Variants in CENPP observed in about 807,000 individuals in gnomAD.
CENPP encodes the protein centromere protein P.
A neutral mutation model predicts 35.6 loss-of-function variants in CENPP; 24 were observed. The observed-to-expected ratio is 0.67, with a 90% CI of 0.49 to 0.95. The LOEUF (loss-of-function observed/expected upper bound fraction) is 0.95, where lower values mean the gene tolerates loss of function less well. CENPP is among the 40% of genes least tolerant of loss of function. The probability of loss-of-function intolerance (pLI) is 0.00; values close to 1 mark genes in which losing one functional copy is unlikely to be tolerated. For synonymous variants in CENPP, 120 were observed against 125.5 expected (o/e 0.96, Z 0.29); for missense variants, 332 against 345.3 (o/e 0.96, Z 0.31).
intron 5 of CENPP, among the ~76,000 whole-genome samples, chr9:92,446,146 G>T (rs1844547593): frequency 6.6e-6 from 1 of 152,142 alleles, no homozygotes; most frequent in East Asian, 1.9e-4. Flanking sequence ...ATTGTGCCTT[G>T]ACTGTAAAGC....
chr9:92,331,077 T>A (rs940565234), intron 1 of CENPP, among the ~76,000 whole-genome samples: 1 of 152,262 alleles, frequency 6.6e-6, no homozygotes, highest in African/African-American at 2.4e-5. Flanking sequence ...TTAAAGAGAT[T>A]TGCTATTTCT....
intron 5 of CENPP, among the ~76,000 whole-genome samples, chr9:92,570,264 T>C (rs563713954): frequency 4.6e-5 from 7 of 152,268 alleles, no homozygotes; most frequent in African/African-American, 1.7e-4. Context: ...CAATACCTAG[T>C]CTATTGAGAG....
rs1181641797 is a variant in CENPP at position 92,618,015 on chromosome 9, G to A, written c.*4866G>A. 2.9e-6 allele frequency: 1 copy of A among 348,442 alleles called. No homozygotes were observed. Among genetic ancestry groups the A allele is most frequent in the African/African-American group, 2.1e-5 (1 of 46,590 alleles). The allele number at this position is 348,442 out of a possible 1,614,324, so 21.6% of individuals were successfully genotyped here. A position where few individuals can be genotyped will look rare whatever the true frequency, so the allele number is the denominator to read the frequency against. Reference sequence around the variant, plus strand: ...TCTAAATTTAGTCTCAGGTCTACCAGGTATCTCAAGACGCCAAGATGACTC... The same window carrying A: ...TCTAAATTTAGTCTCAGGTCTACCAAGTATCTCAAGACGCCAAGATGACTC... On this transcript the variant is annotated 3_prime_UTR_variant, in exon 8 of 8. Coordinates refer to ENST00000375587, the MANE Select transcript of CENPP (RefSeq NM_001012267.3).
intron 5 of CENPP, among the ~76,000 whole-genome samples, chr9:92,487,046 C>T (rs747906746): frequency 6.6e-5 from 10 of 152,090 alleles, no homozygotes; most frequent in Non-Finnish European, 1.0e-4. Flanking sequence ...CCTCCCAAAG[C>T]GCTAGGATTA....
At chr9:92,491,977 G>A (rs889265369) in intron 5 of CENPP, among the ~76,000 whole-genome samples, 5 of 152,108 alleles carry the variant, frequency 3.3e-5, no homozygotes, top group African/African-American at 1.2e-4. Context: ...AATAAGCCCA[G>A]ACGTGAGTCC....
chr9:92,574,621 C>T (rs1317290385), intron 5 of CENPP, among the ~76,000 whole-genome samples: 1 of 152,178 alleles, frequency 6.6e-6, no homozygotes, highest in Non-Finnish European at 1.5e-5. Flanking sequence ...GATTGGAAGA[C>T]TCTGTGTTAA....
intron 5 of CENPP, among the ~76,000 whole-genome samples, chr9:92,606,712 T>G (rs1039556165): frequency 6.6e-6 from 1 of 152,192 alleles, no homozygotes; most frequent in Admixed American, 6.5e-5. Context: ...AAGACCATCT[T>G]GGCCAACATG....
intron 5 of CENPP, among the ~76,000 whole-genome samples, chr9:92,594,461 C>T (rs187212080): frequency 7.2e-4 from 109 of 152,270 alleles, no homozygotes; most frequent in African/African-American, 2.2e-3. Flanking sequence ...ATATCTCTGC[C>T]TCATAAAGGT....
intron 5 of CENPP, among the ~76,000 whole-genome samples, chr9:92,452,578 T>C (rs569410571): frequency 1.4e-4 from 21 of 152,334 alleles, no homozygotes; most frequent in South Asian, 8.3e-4. Context: ...GTGGTGTCTC[T>C]GCCAGGCTTT....
intron 5 of CENPP, among the ~76,000 whole-genome samples, chr9:92,532,015 G>GTTTTTTTTGTTTTTTTTTTTTTTTTTT: frequency 1.0e-5 from 1 of 95,736 alleles, no homozygotes; most frequent in Non-Finnish European, 1.9e-5. Flanking sequence ...TTTATTTAAT[G>GTTTTTTTTGTTTTTTTTTTTTTTTTTT]TTTTTTTTTT....
intron 5 of CENPP, among the ~76,000 whole-genome samples, chr9:92,505,205 T>C (rs993790234): frequency 1.3e-5 from 2 of 152,204 alleles, no homozygotes; most frequent in African/African-American, 2.4e-5. Flanking sequence ...CATTTCTAGA[T>C]TGGGGCAGTT....
intron 5 of CENPP, among the ~76,000 whole-genome samples, chr9:92,492,960 G>T (rs1447373173): frequency 6.6e-6 from 1 of 152,220 alleles, no homozygotes; most frequent in Admixed American, 6.5e-5. Flanking sequence ...GGGCCCAGCA[G>T]TCTGCTCAGG....
intron 5 of CENPP, among the ~76,000 whole-genome samples, chr9:92,608,747 T>G (rs575522175): frequency 6.6e-6 from 1 of 152,252 alleles, no homozygotes; most frequent in Non-Finnish European, 1.5e-5. Context: ...ATGCACTGAA[T>G]GCCTGACCTC....
intron 5 of CENPP, among the ~76,000 whole-genome samples, chr9:92,597,212 G>C (rs1188880038): frequency 1.3e-5 from 2 of 152,074 alleles, no homozygotes; most frequent in African/African-American, 4.8e-5. Context: ...TCATTAAAAT[G>C]AGCAATATAC....
In CENPP at chr9:92,616,249, G is replaced by C. The variant is rs955740635; in HGVS notation, c.*3100G>C. On this transcript the variant is annotated 3_prime_UTR_variant, in exon 8 of 8. Transcript: ENST00000375587. The stretch of plus-strand genomic sequence containing the variant: ...ACACCCCAGCTCACAAAGAGCACTC[G>C]TTCTGTGCACCTGTGATCTGTGCGT... The C allele has an allele frequency of 1.8e-6, 1 of 544,088 alleles. No individual in the cohort carries two copies. The highest frequency in any genetic ancestry group is 3.3e-6 in the Non-Finnish European group (1 of 302,326). The allele number at this position is 544,088 out of a possible 1,614,324, so 33.7% of individuals were successfully genotyped here. A position where few individuals can be genotyped will look rare whatever the true frequency, so the allele number is the denominator to read the frequency against.
rs67070835 is a variant in CENPP at position 92,352,510 on chromosome 9, CATAT to C, written c.467+6749_467+6752del. Among the ~76,000 whole-genome samples, 127 of 50,420 alleles carry C rather than the reference CATAT, an allele frequency of 2.5e-3. 10 individuals are homozygous for C. Among genetic ancestry groups the C allele is most frequent in the African/African-American group, 5.7e-3 (36 of 6,332 alleles). 33.1% of individuals were successfully genotyped at this position (50,420 alleles called of 152,430 possible). A position where few individuals can be genotyped will look rare whatever the true frequency, so the allele number is the denominator to read the frequency against. On this transcript the variant is annotated intron_variant, in intron 4 of 7. Coordinates refer to ENST00000375587, the MANE Select transcript of CENPP (RefSeq NM_001012267.3). ...GTGTGTGTGTGTGTGTGTGTGTATA[CATAT>C]ATATATATATATATATATATATATA...
At chr9:92,568,827 G>A (rs1850061694) in intron 5 of CENPP, among the ~76,000 whole-genome samples, 1 of 152,204 alleles carries the variant, frequency 6.6e-6, no homozygotes, top group Admixed American at 6.5e-5. Flanking sequence ...GCATTTCTCT[G>A]ATGGCCAGTG....
chr9:92,597,695 A>G (rs1850816112), intron 5 of CENPP, among the ~76,000 whole-genome samples: 2 of 152,218 alleles, frequency 1.3e-5, no homozygotes, highest in Admixed American at 6.5e-5. Context: ...AAATAAACCA[A>G]CTTGGCTCAC....
rs562865311 is a variant in CENPP, at chr9:92,339,169, G to A, written c.378+1540G>A. Among the ~76,000 whole-genome samples the A allele has an allele frequency of 3.9e-4, 60 of 152,336 alleles. No homozygotes were observed. The South Asian group carries it at 0.012, about 30-fold the overall frequency. On this transcript the variant is annotated intron_variant, in intron 3 of 7. Transcript: ENST00000375587. The stretch of plus-strand genomic sequence containing the variant: ...CAGCTCATCAGATATCTAAAGTGGT[G>A]TAGAGTAGTTGTTGTAACTGAGTCC...
Sources: gnomAD v4.1 joint callset for allele counts (sites outside exome capture counted in the v4.1 genomes callset) on GRCh38, gnomAD v4.1.1 for gene constraint, MANE v1.5 for transcripts, NCBI Gene and HGNC (gene_info 2026-07-23, HGNC 2026-07-21) for gene names.